The following TENM3 variants were observed in gnomAD, a reference collection of about 807,000 sequenced individuals.
The protein encoded by TENM3 is teneurin-3.
A neutral mutation model predicts 255.1 loss-of-function variants in TENM3; 63 were observed. The observed-to-expected ratio is 0.25, with a 90% CI of 0.20 to 0.30. The LOEUF is 0.30. Ranked by LOEUF, TENM3 falls within the 10% of genes least tolerant of loss-of-function variation. TENM3 has a pLI of 1.00. For missense variants in TENM3, 2,929 were observed against 3,461.1 expected (o/e 0.85, Z 3.86); for synonymous variants, 1,306 against 1,322.3 (o/e 0.99, Z 0.27).
At chr4:181,667,840 T>C in the TENM3 span, among the ~76,000 whole-genome samples, 59 of 152,302 alleles carry the variant, frequency 3.9e-4, no homozygotes, top group African/African-American at 1.4e-3. Context: ...TGAGGACCTG[T>C]CATAAGGGCA....
chr4:181,836,979 T>G, the TENM3 span, among the ~76,000 whole-genome samples: 3 of 105,108 alleles, frequency 2.9e-5, no homozygotes, highest in Admixed American at 3.4e-4. Context: ...TCACATTTTA[T>G]TATTCTTAAG....
the TENM3 span, among the ~76,000 whole-genome samples, chr4:181,495,902 T>TAAAAAAAAAAAAAAAAAAAAAAAAA: frequency 2.6e-5 from 3 of 116,852 alleles, no homozygotes; most frequent in African/African-American, 3.2e-5. Flanking sequence ...AGAGACAAAT[T>TAAAAAAAAAAAAAAAAAAAAAAAAA]AAAAAAAAAA....
intron 3 of TENM3, among the ~76,000 whole-genome samples, chr4:182,533,496 A>C (rs937704749): frequency 1.3e-5 from 2 of 149,814 alleles, no homozygotes; most frequent in Non-Finnish European, 3.0e-5. Context: ...CCGTGATCAC[A>C]CCACTGCACT....
the TENM3 span, among the ~76,000 whole-genome samples, chr4:181,625,435 C>G: frequency 6.6e-6 from 1 of 152,148 alleles, no homozygotes; most frequent in Non-Finnish European, 1.5e-5. Flanking sequence ...GCAGAGGACT[C>G]CATCCCAGCA....
chr4:181,654,842 T>G, the TENM3 span, among the ~76,000 whole-genome samples: 2 of 151,264 alleles, frequency 1.3e-5, no homozygotes, highest in African/African-American at 4.9e-5. Context: ...ACCCAGACTC[T>G]GAGTAGTTGG....
the TENM3 span, among the ~76,000 whole-genome samples, chr4:182,136,257 T>A: frequency 0.012 from 1,816 of 152,320 alleles, 31 homozygotes; most frequent in African/African-American, 0.041. Context: ...ATTACTTTCT[T>A]CTAGAACCAG....
At chr4:181,688,698 G>A in the TENM3 span, among the ~76,000 whole-genome samples, 2 of 152,230 alleles carry the variant, frequency 1.3e-5, no homozygotes, top group Admixed American at 6.5e-5. Flanking sequence ...TTCTTGAGAA[G>A]GGGGCCTGCC....
the TENM3 span, among the ~76,000 whole-genome samples, chr4:181,712,195 G>A: frequency 3.7e-3 from 566 of 152,206 alleles, 1 homozygote; most frequent in Non-Finnish European, 6.6e-3. Context: ...TAGACTTTAA[G>A]GCCCTTATAT....
chr4:181,621,717 A>G, the TENM3 span, among the ~76,000 whole-genome samples: 1 of 152,200 alleles, frequency 6.6e-6, no homozygotes, highest in Non-Finnish European at 1.5e-5. Flanking sequence ...ATGGATATTA[A>G]AGATAGGTTC....
intron 3 of TENM3, among the ~76,000 whole-genome samples, chr4:182,361,489 C>A (rs1765975470): frequency 6.6e-6 from 1 of 152,172 alleles, no homozygotes; most frequent in Non-Finnish European, 1.5e-5. Flanking sequence ...ATCCCTGATA[C>A]CCTTTCTTCC....
At chr4:182,693,213 T>C (rs1189860188) in intron 12 of TENM3, among the ~76,000 whole-genome samples, 2 of 152,204 alleles carry the variant, frequency 1.3e-5, no homozygotes, top group Non-Finnish European at 1.5e-5. Flanking sequence ...TCTGTGATAC[T>C]GAGAACAATT....
At chr4:181,997,617 A>G in the TENM3 span, among the ~76,000 whole-genome samples, 1 of 152,204 alleles carries the variant, frequency 6.6e-6, no homozygotes, top group Admixed American at 6.5e-5. Context: ...GAGTAAAGTC[A>G]GTGACTGATA....
At chr4:181,476,127 C>T in the TENM3 span, among the ~76,000 whole-genome samples, 1 of 151,990 alleles carries the variant, frequency 6.6e-6, no homozygotes, top group African/African-American at 2.4e-5. Flanking sequence ...GTTTAAGCTA[C>T]ATCTTCCCTA....
intron 3 of TENM3, among the ~76,000 whole-genome samples, chr4:182,436,546 A>C (rs745816393): frequency 1.9e-4 from 29 of 152,360 alleles, no homozygotes; most frequent in Non-Finnish European, 3.4e-4. Context: ...CAAGTTGTTG[A>C]TAAGACACCG....
At chr4:182,087,450 G>A in the TENM3 span, among the ~76,000 whole-genome samples, 1 of 152,268 alleles carries the variant, frequency 6.6e-6, no homozygotes, top group African/African-American at 2.4e-5. Flanking sequence ...TGGTATACCA[G>A]GAGATCGTTT....
At chr4:182,071,314 C>T in the TENM3 span, among the ~76,000 whole-genome samples, 1 of 152,154 alleles carries the variant, frequency 6.6e-6, no homozygotes, top group Non-Finnish European at 1.5e-5. Context: ...TATAATTATT[C>T]CAATATCTGC....
At chr4:181,540,479 G>A in the TENM3 span, among the ~76,000 whole-genome samples, 6,662 of 152,202 alleles carry the variant, frequency 0.044, 221 homozygotes, top group South Asian at 0.15. Flanking sequence ...AGAGCGGACA[G>A]GGAGAGAAAA....
intron 27 of TENM3, among the ~76,000 whole-genome samples, chr4:182,797,996 G>A (rs1766621767): frequency 6.6e-6 from 1 of 152,062 alleles, no homozygotes; most frequent in Admixed American, 6.5e-5. Flanking sequence ...GACAGACCTT[G>A]TATAAGGTGG....
the TENM3 span, among the ~76,000 whole-genome samples, chr4:181,703,518 C>A: frequency 6.6e-6 from 1 of 152,166 alleles, no homozygotes; most frequent in Non-Finnish European, 1.5e-5. Context: ...CATATTGATG[C>A]GTTAAAACCT....
Sources: gnomAD v4.1 joint callset for allele counts (sites outside exome capture counted in the v4.1 genomes callset) on GRCh38, gnomAD v4.1.1 for gene constraint, MANE v1.5 for transcripts, NCBI Gene and HGNC (gene_info 2026-07-23, HGNC 2026-07-21) for gene names.